Variants in SLC5A9 observed in about 807,000 individuals in gnomAD.
The protein encoded by SLC5A9 is sodium/glucose cotransporter 4.
SLC5A9 carries 59 observed loss-of-function variants against 70.9 expected under a neutral mutation model. That is an observed-to-expected ratio of 0.83 (90% CI 0.68 to 1.03). The LOEUF (loss-of-function observed/expected upper bound fraction) is 1.03. Ranked by LOEUF, SLC5A9 falls within the 50% of genes least tolerant of loss-of-function variation. The pLI, the probability that SLC5A9 is intolerant of heterozygous loss-of-function variation, is 0.00. For missense variants in SLC5A9, 832 were observed against 881.1 expected, an observed-to-expected ratio of 0.94 and a Z score of 0.71; for synonymous variants, 340 against 346.5, an observed-to-expected ratio of 0.98 and a Z score of 0.21.
At position 48,247,544 on chromosome 1, in the gene SLC5A9, T is replaced by C. The variant is rs1317310679; in HGVS notation, c.*1T>C. ...CTTCCTCTGGGGCTATTTTGCGTGATTCCACAGACCTGGCTTCAGTGTAGA... is the reference window on the plus strand; with the variant it reads ...CTTCCTCTGGGGCTATTTTGCGTGACTCCACAGACCTGGCTTCAGTGTAGA... On this transcript the variant is annotated 3_prime_UTR_variant, in exon 14 of 14. Coordinates refer to ENST00000438567, the MANE Select transcript of SLC5A9 (RefSeq NM_001011547.3). 1 of 1,614,148 alleles carries C rather than the reference T, an allele frequency of 6.2e-7. No individual in the cohort carries two copies. The highest frequency in any genetic ancestry group is 8.5e-7 in the Non-Finnish European group (1 of 1,179,982).
intron 7 of SLC5A9, 51 bp downstream of exon 7, chr1:48,232,202 C>T (rs566709528): frequency 6.3e-7 from 1 of 1,577,046 alleles, no homozygotes; most frequent in South Asian, 1.2e-5. Context: ...GGGGTGGCTT[C>T]CTGCAGAAAA....
chr1:48,225,423 C>G (rs1175620716), intron 2 of SLC5A9, among the ~76,000 whole-genome samples: 1 of 152,150 alleles, frequency 6.6e-6, no homozygotes, highest in Non-Finnish European at 1.5e-5. Context: ...ATCCCCAAAC[C>G]TTCGTGAGCC....
intron 8 of SLC5A9, 59 bp downstream of exon 8, chr1:48,232,561 A>G: frequency 6.2e-7 from 1 of 1,600,514 alleles, no homozygotes; most frequent in South Asian, 1.1e-5. Context: ...GAGTGTCTGG[A>G]GAATGGGAAT....
intron 10 of SLC5A9, among the ~76,000 whole-genome samples, chr1:48,236,085 C>T (rs1644323177): frequency 6.6e-6 from 1 of 152,168 alleles, no homozygotes; most frequent in Admixed American, 6.5e-5. Flanking sequence ...AAAAACACCT[C>T]TTCCCTGGTA....
Position 48,230,606 on chromosome 1 carries a change from ATCT to A in SLC5A9, c.515_517del (p.Phe172del). 6.8e-6 allele frequency: 11 copies of A among 1,613,854 alleles called. No individual in the cohort carries two copies. Among genetic ancestry groups the A allele is most frequent in the Non-Finnish European group, 8.5e-6 (10 of 1,179,832 alleles). The stretch of plus-strand genomic sequence containing the variant: ...GGGTCCTGGCTCTCTGCAGACTGAC[ATCT>A]TCTCTGGAGCCCTCTTCATCCAGAT... On this transcript the variant is annotated inframe_deletion, in exon 5 of 14. Coordinates refer to ENST00000438567, the MANE Select transcript of SLC5A9 (RefSeq NM_001011547.3).
At position 48,232,430 on chromosome 1, in the gene SLC5A9, G is replaced by C; in HGVS notation, c.961G>C (p.Gly321Arg). 1.9e-6 allele frequency: 3 copies of C among 1,614,134 alleles called. No individual in the cohort carries two copies. In the African/African-American group the frequency reaches 4.0e-5, roughly 22 times the overall value. The change falls in exon 8 of 14, where the codon GGG becomes CGG. Residue 321 changes from glycine (G) to arginine (R), a missense_variant. By Grantham distance (125) the Gly-to-Arg change is moderately radical. Coordinates refer to ENST00000438567, the MANE Select transcript of SLC5A9 (RefSeq NM_001011547.3). ...LSHAKGGSVL[G>R]GYLKILPMFF... ...TCATGCCAAGGGAGGCTCCGTGCTG[G>C]GGGGCTACCTGAAGATCCTCCCCAT...
chr1:48,239,288 T>G lies in SLC5A9; in HGVS notation c.1462-34T>G, dbSNP rs764186674. 6.6e-7 allele frequency: 1 copy of G among 1,514,826 alleles called. No homozygotes were observed. The highest frequency in any genetic ancestry group is 1.2e-5 in the South Asian group (1 of 84,776). 93.8% of individuals were successfully genotyped at this position (1,514,826 alleles called of 1,614,324 possible). A position where few individuals can be genotyped will look rare whatever the true frequency, so the allele number is the denominator to read the frequency against. On this transcript the variant is annotated intron_variant, in intron 11 of 13. Coordinates refer to ENST00000438567, the MANE Select transcript of SLC5A9 (RefSeq NM_001011547.3). The surrounding 1 kb of genome is among the most constrained non-coding windows in gnomAD (Gnocchi z 4.2). ...ACCTTCCTAGGGTCTCCCACCTGGA[T>G]CTCACCTCAGCTCTTGTCTGCCCTC...
chr1:48,232,742 C>T (rs992609472), intron 8 of SLC5A9, among the ~76,000 whole-genome samples: 10 of 151,488 alleles, frequency 6.6e-5, no homozygotes, highest in African/African-American at 2.4e-4. Flanking sequence ...GCTGTGATTG[C>T]CCCACTGCAT....
intron 4 of SLC5A9, among the ~76,000 whole-genome samples, chr1:48,229,975 A>G (rs763903631): frequency 5.3e-5 from 8 of 152,226 alleles, no homozygotes; most frequent in Non-Finnish European, 1.2e-4. Flanking sequence ...AATGGTATCC[A>G]CAAGCATACA....
chr1:48,246,320 T>G (rs1644459651), intron 13 of SLC5A9, among the ~76,000 whole-genome samples: 1 of 152,110 alleles, frequency 6.6e-6, no homozygotes, highest in South Asian at 2.1e-4. Flanking sequence ...TCCTGAGACT[T>G]TTTTCTCCTC....
Position 48,248,109 on chromosome 1 carries a change from G to A in SLC5A9, c.*566G>A, listed in dbSNP as rs1371976303. ...GCTGTCAGACCCGAAGGGGTGGGGA[G>A]CCAAGGGTGGACTTTAAGCATGGTG... On this transcript the variant is annotated 3_prime_UTR_variant, in exon 14 of 14. Coordinates refer to ENST00000438567, the MANE Select transcript of SLC5A9 (RefSeq NM_001011547.3). 1 of 157,442 alleles carries A rather than the reference G, an allele frequency of 6.4e-6. No individual in the cohort carries two copies. The highest frequency in any genetic ancestry group is 2.4e-5 in the African/African-American group (1 of 41,502). 9.8% of individuals were successfully genotyped at this position (157,442 alleles called of 1,614,324 possible). A position where few individuals can be genotyped will look rare whatever the true frequency, so the allele number is the denominator to read the frequency against.
intron 10 of SLC5A9, 126 bp downstream of exon 10, chr1:48,236,005 C>A: frequency 9.7e-7 from 1 of 1,034,328 alleles, no homozygotes; most frequent in South Asian, 1.5e-5. Context: ...GTTCAAGCTC[C>A]AGCTCTCCAC....
chr1:48,232,148 C>A lies in SLC5A9; in HGVS notation c.894C>A (p.Asp298Glu). The change falls in exon 7 of 14, where the codon GAC (aspartate) becomes GAA (glutamate). Residue 298 changes from aspartate to glutamate, a missense_variant. By Grantham distance (45) the Asp-to-Glu change is conservative. Transcript: ENST00000438567. ...TGGCCACCTGGTGTTGGTGCACAGA[C>A]CAGGTAATCCCCCAGCCAGGCTTAG... Reference protein sequence around the residue: ...TVLATWCWCTDQVIVQRSLSA... With the variant: ...TVLATWCWCTEQVIVQRSLSA... 6.2e-7 allele frequency: 1 copy of A among 1,608,788 alleles called. No individual in the cohort carries two copies. The highest frequency in any genetic ancestry group is 1.1e-5 in the South Asian group (1 of 90,672).
At position 48,239,232 on chromosome 1, in the gene SLC5A9, T is replaced by TGGGAGAGAGATTTG; in HGVS notation, c.1462-80_1462-67dup. 1.1e-6 allele frequency: 1 copy of TGGGAGAGAGATTTG among 931,634 alleles called. No individual in the cohort carries two copies. The highest frequency in any genetic ancestry group is 1.7e-6 in the Non-Finnish European group (1 of 602,310). The allele number at this position is 931,634 out of a possible 1,614,324, so 57.7% of individuals were successfully genotyped here. ...TTTGCCCAACATGGCAATAAACCAG[T>TGGGAGAGAGATTTG]GGGAGAGAGATTTGGGGAGAGAGTA... On this transcript the variant is annotated intron_variant, in intron 11 of 13. Coordinates refer to ENST00000438567, the MANE Select transcript of SLC5A9 (RefSeq NM_001011547.3). This position sits in a 1 kb window ranked among gnomAD's most constrained non-coding sequence, Gnocchi z 4.2.
At position 48,233,762 on chromosome 1, in the gene SLC5A9, G is replaced by C; in HGVS notation, c.1141G>C (p.Gly381Arg). The C allele has an allele frequency of 6.2e-7, 1 of 1,609,866 alleles. No homozygotes were observed. The highest frequency in any genetic ancestry group is 8.5e-7 in the Non-Finnish European group (1 of 1,176,672). ...PKLVMALMPV[G>R]LRGLMIAVIM... ...GTTGGTCATGGCCCTCATGCCTGTT[G>C]GTGAGTCTCTTCTCCCCACCCCACC... Residue 381 changes from glycine to arginine, a missense_variant and splice_region_variant, in exon 9 of 14, where the codon GGT becomes CGT. By Grantham distance (125) the Gly-to-Arg change is moderately radical. Transcript: ENST00000438567.
At chr1:48,223,014 T>A in intron 1 of SLC5A9, 116 bp downstream of exon 1, 1 of 1,118,060 alleles carries the variant, frequency 8.9e-7, no homozygotes, top group Non-Finnish European at 1.3e-6. Context: ...TAGAACCATG[T>A]GGCTGAGAAG....
At chr1:48,229,079 C>G (rs1569823711) in intron 3 of SLC5A9, 125 bp downstream of exon 3, 1 of 1,614,012 alleles carries the variant, frequency 6.2e-7, no homozygotes. Context: ...GAATCCATTT[C>G]ACAATTGAGA....
In SLC5A9 at chr1:48,230,543, T is replaced by C. The variant is rs145930616; in HGVS notation, c.505-57T>C. 4.2e-5 allele frequency: 51 copies of C among 1,226,516 alleles called. No individual in the cohort carries two copies. In the East Asian group the frequency reaches 5.1e-4, roughly 12 times the overall value. The allele number at this position is 1,226,516 out of a possible 1,614,324, so 76.0% of individuals were successfully genotyped here. On this transcript the variant is annotated intron_variant, in intron 4 of 13. Transcript: ENST00000438567. ...GCTGGGCAGGCAGGTGATGTGTCCA[T>C]ACAACCCTACTGAGGGCCTCGGGTG...
chr1:48,247,289 C>A (rs372745082), intron 13 of SLC5A9, 46 bp from the exon 14 acceptor site: 1 of 1,573,810 alleles, frequency 6.4e-7, no homozygotes, highest in Non-Finnish European at 8.7e-7. Flanking sequence ...ATCTTCTTTG[C>A]CTCTCCCCTC....
Sources: gnomAD v4.1 joint callset for allele counts (sites outside exome capture counted in the v4.1 genomes callset) on GRCh38, gnomAD v4.1.1 for gene constraint, Gnocchi (gnomAD v3.1) non-coding constraint, MANE v1.5 for transcripts, NCBI Gene and HGNC (gene_info 2026-07-23, HGNC 2026-07-21) for gene names.